Variants in SLCO3A1 observed in about 807,000 individuals in gnomAD.
SLCO3A1 encodes PGE1 transporter.
In SLCO3A1, 27 loss-of-function variants were observed where a neutral mutation model predicts 63.1. The ratio of observed to expected loss-of-function variants is 0.43; its 90% confidence interval spans 0.32 to 0.59. The LOEUF (loss-of-function observed/expected upper bound fraction) is 0.59. Ranked by LOEUF, SLCO3A1 falls within the 20% of genes least tolerant of loss-of-function variation. SLCO3A1 has a pLI of 0.09. For synonymous variants in SLCO3A1, 473 were observed against 409.9 expected (o/e 1.15, Z -1.86); for missense variants, 773 against 945.8 (o/e 0.82, Z 2.40).
In SLCO3A1 at chr15:91,854,548, G is replaced by A. The variant is rs914672925; in HGVS notation, c.180+460G>A. 3 of 198,358 alleles carry A rather than the reference G, an allele frequency of 1.5e-5. No homozygotes were observed. The highest frequency in any genetic ancestry group is 2.4e-5 in the African/African-American group (1 of 42,298). The allele number at this position is 198,358 out of a possible 1,614,324, so 12.3% of individuals were successfully genotyped here. On this transcript the variant is annotated intron_variant, in intron 1 of 9. Coordinates refer to ENST00000318445, the MANE Select transcript of SLCO3A1 (RefSeq NM_013272.4). The surrounding 1 kb of genome is among the most constrained non-coding windows in gnomAD (Gnocchi z 6.4). ...TCCTCCTCGAGAACAAATCTATTAT[G>A]CATCATTTTCTCCGGGCGCTTTCTA...
chr15:92,142,916 A>C (rs1379242090), intron 7 of SLCO3A1, among the ~76,000 whole-genome samples: 1 of 152,168 alleles, frequency 6.6e-6, no homozygotes, highest in Non-Finnish European at 1.5e-5. Context: ...GGCAAAAATA[A>C]GACCAAGACA....
In SLCO3A1 at chr15:91,948,377, C is replaced by A. The variant is rs1485100166; in HGVS notation, c.646+31919C>A. ...CTGTTGCCAAGTTTAGAAGTGGCCG[C>A]ATGTGTGGTGCCAGCCACAGCATCC... is the stretch of plus-strand genomic sequence containing the variant. On this transcript the variant is annotated intron_variant, in intron 2 of 9. Coordinates refer to ENST00000318445, the MANE Select transcript of SLCO3A1 (RefSeq NM_013272.4). This position sits in a 1 kb window ranked among gnomAD's most constrained non-coding sequence, Gnocchi z 4.8. 6.6e-6 allele frequency among the ~76,000 whole-genome samples: 1 copy of A among 152,200 alleles called. No individual in the cohort carries two copies. Among genetic ancestry groups the A allele is most frequent in the Non-Finnish European group, 1.5e-5 (1 of 68,038 alleles).
intron 3 of SLCO3A1, among the ~76,000 whole-genome samples, chr15:92,103,700 C>G (rs969377910): frequency 3.3e-5 from 5 of 152,038 alleles, no homozygotes; most frequent in African/African-American, 1.2e-4. Context: ...GATCAGTAAA[C>G]TGAGGCATAG....
At chr15:91,940,917 C>T (rs981416046) in intron 2 of SLCO3A1, among the ~76,000 whole-genome samples, 4 of 152,148 alleles carry the variant, frequency 2.6e-5, no homozygotes, top group African/African-American at 9.7e-5. Context: ...CACTTGGGAG[C>T]TGCTAAATGT....
At position 92,116,490 on chromosome 15, in the gene SLCO3A1, C is replaced by T. The variant is rs112539264; in HGVS notation, c.1010-3975C>T. ...ATAATTCAAGCCAGCCTACCTCCCA[C>T]CTCCAGCTCCCAAGTTCTGAGGCTA... On this transcript the variant is annotated intron_variant, in intron 4 of 9. Coordinates refer to ENST00000318445, the MANE Select transcript of SLCO3A1 (RefSeq NM_013272.4). 1.1e-3 allele frequency among the ~76,000 whole-genome samples: 173 copies of T among 152,350 alleles called. 1 individual carries two copies. The highest frequency in any genetic ancestry group is 4.0e-3 in the African/African-American group (168 of 41,592).
chr15:92,170,215 A>G (rs2048514130), downstream of SLCO3A1, among the ~76,000 whole-genome samples: 1 of 152,190 alleles, frequency 6.6e-6, no homozygotes, highest in Non-Finnish European at 1.5e-5. Context: ...AGGCCATAAA[A>G]TGAATTGGAA....
chr15:92,088,957 T>C (rs11638201), intron 2 of SLCO3A1, among the ~76,000 whole-genome samples: 96,234 of 151,898 alleles, frequency 0.63, 31,514 homozygotes, highest in Admixed American at 0.77. Context: ...CTTCCTGCCA[T>C]GGTAGTGGAA....
chr15:92,131,554 C>T lies in SLCO3A1; in HGVS notation c.1512+3065C>T, dbSNP rs143213381. 9.1e-4 allele frequency among the ~76,000 whole-genome samples: 131 copies of T among 144,472 alleles called. 4 individuals are homozygous for T. In the East Asian group the frequency reaches 0.017, roughly 19 times the overall value. The allele number at this position is 144,472 out of a possible 152,430, so 94.8% of individuals were successfully genotyped here. ...TAATTTTTTATATTTTTGGTAGAGACGGGGTTTTTCACCGTGACGGCCAGG... is the reference window on the plus strand; with the variant it reads ...TAATTTTTTATATTTTTGGTAGAGATGGGGTTTTTCACCGTGACGGCCAGG... On this transcript the variant is annotated intron_variant, in intron 7 of 9. Transcript: ENST00000318445.
intron 2 of SLCO3A1, among the ~76,000 whole-genome samples, chr15:92,003,415 T>C (rs1359395063): frequency 2.0e-5 from 3 of 152,190 alleles, no homozygotes; most frequent in African/African-American, 7.2e-5. Context: ...TGCTTATTAG[T>C]ACTTTATTAG....
At position 92,147,183 on chromosome 15, in the gene SLCO3A1, C is replaced by T. The variant is rs2151589014; in HGVS notation, c.1688+24C>T. 1.9e-6 allele frequency: 3 copies of T among 1,595,192 alleles called. No individual in the cohort carries two copies. In the East Asian group the frequency reaches 6.7e-5, roughly 36 times the overall value. On this transcript the variant is annotated intron_variant, in intron 8 of 9. Transcript: ENST00000318445. Reference sequence around the variant, plus strand: ...AGGTAAGCCCTCGGCACAGCCCCGCCTCTCCTCCTTTCCACCTGGTGTTCA... The same window carrying T: ...AGGTAAGCCCTCGGCACAGCCCCGCTTCTCCTCCTTTCCACCTGGTGTTCA...
intron 1 of SLCO3A1, among the ~76,000 whole-genome samples, chr15:91,901,392 A>G (rs1009987172): frequency 6.6e-6 from 1 of 152,224 alleles, no homozygotes; most frequent in African/African-American, 2.4e-5. Flanking sequence ...AAATACATTT[A>G]TATAGCTTTT....
intron 1 of SLCO3A1, among the ~76,000 whole-genome samples, chr15:91,907,429 C>T (rs541375171): frequency 6.6e-6 from 1 of 152,128 alleles, no homozygotes; most frequent in African/African-American, 2.4e-5. Flanking sequence ...TGGTCTTGAA[C>T]TGCTGACCTC....
chr15:92,066,237 C>T (rs937990629), intron 2 of SLCO3A1, among the ~76,000 whole-genome samples: 1 of 152,190 alleles, frequency 6.6e-6, no homozygotes, highest in African/African-American at 2.4e-5. Flanking sequence ...GTAGAGAGGC[C>T]AAGCACTCAT....
intron 2 of SLCO3A1, among the ~76,000 whole-genome samples, chr15:92,014,438 A>G (rs1473692837): frequency 3.3e-5 from 5 of 152,170 alleles, no homozygotes; most frequent in Non-Finnish European, 5.9e-5. Context: ...CGTATTTTCA[A>G]TTACAGTCAT....
rs1435173499 is a variant in SLCO3A1 at position 91,853,822 on chromosome 15, C to G, written c.-87C>G. 1 of 1,148,910 alleles carries G rather than the reference C, an allele frequency of 8.7e-7. No homozygotes were observed. The highest frequency in any genetic ancestry group is 1.1e-6 in the Non-Finnish European group (1 of 937,642). 71.2% of individuals were successfully genotyped at this position (1,148,910 alleles called of 1,614,324 possible). A position where few individuals can be genotyped will look rare whatever the true frequency, so the allele number is the denominator to read the frequency against. On this transcript the variant is annotated 5_prime_UTR_variant, in exon 1 of 10. Coordinates refer to ENST00000318445, the MANE Select transcript of SLCO3A1 (RefSeq NM_013272.4). Reference sequence around the variant, plus strand: ...GCGGGGACAGCACGCAGCCTCGAGGCGCGCACCCCCGCCCGGCAGCGGCCC... The same window carrying G: ...GCGGGGACAGCACGCAGCCTCGAGGGGCGCACCCCCGCCCGGCAGCGGCCC...
rs528774225 is a variant in SLCO3A1 at position 91,912,075 on chromosome 15, TCTTTC to T, written c.181-3913_181-3909del. Among the ~76,000 whole-genome samples the T allele has an allele frequency of 1.6e-3, 239 of 152,248 alleles. No individual in the cohort carries two copies. Among genetic ancestry groups the T allele is most frequent in the African/African-American group, 5.7e-3 (237 of 41,534 alleles). On this transcript the variant is annotated intron_variant, in intron 1 of 9. Transcript: ENST00000318445. The surrounding 1 kb of genome is among the most constrained non-coding windows in gnomAD (Gnocchi z 5.0). Reference sequence around the variant, plus strand: ...CTTGGTTCAGGATAAGGACGCTTCCTCTTTCCTTTTCCTCTTGCAGTTATGGCTCC... The same window carrying T: ...CTTGGTTCAGGATAAGGACGCTTCCTCTTTTCCTCTTGCAGTTATGGCTCC...
intron 2 of SLCO3A1, among the ~76,000 whole-genome samples, chr15:92,031,976 G>A (rs2046655228): frequency 6.6e-6 from 1 of 152,130 alleles, no homozygotes; most frequent in Non-Finnish European, 1.5e-5. Flanking sequence ...AGCCTCAGTA[G>A]GTATCTGTAA....
At chr15:91,880,099 G>GTCCA (rs1897518409) in intron 1 of SLCO3A1, among the ~76,000 whole-genome samples, 4 of 80,342 alleles carry the variant, frequency 5.0e-5, no homozygotes, top group African/African-American at 1.1e-4. Context: ...TTGTATGTGT[G>GTCCA]TCCGTCCGTC....
chr15:92,115,620 CACA>C (rs2047785006), intron 4 of SLCO3A1, among the ~76,000 whole-genome samples: 47 of 152,014 alleles, frequency 3.1e-4, no homozygotes, highest in Admixed American at 2.2e-3. Context: ...CAGTCACTTC[CACA>C]TCTACTAAAG....
Sources: gnomAD v4.1 joint callset for allele counts (sites outside exome capture counted in the v4.1 genomes callset) on GRCh38, gnomAD v4.1.1 for gene constraint, Gnocchi (gnomAD v3.1) non-coding constraint, MANE v1.5 for transcripts, NCBI Gene and HGNC (gene_info 2026-07-23, HGNC 2026-07-21) for gene names.